Variants in ADAM32 observed in about 807,000 individuals in gnomAD.
The protein encoded by ADAM32 is disintegrin and metalloproteinase domain-containing protein 32.
ADAM32 carries 89 observed loss-of-function variants against 114.9 expected under a neutral mutation model. That is an observed-to-expected ratio of 0.77 (90% CI 0.65 to 0.92). ADAM32 has a LOEUF of 0.92. ADAM32 is among the 40% of genes least tolerant of loss of function. ADAM32 has a pLI of 0.00. For missense variants in ADAM32, 870 were observed against 932.8 expected (o/e 0.93, Z 0.88); for synonymous variants, 285 against 307.5 (o/e 0.93, Z 0.77).
chr8:39,115,459 T>C (rs1156804376), intron 1 of ADAM32, among the ~76,000 whole-genome samples: 1 of 152,210 alleles, frequency 6.6e-6, no homozygotes, highest in Non-Finnish European at 1.5e-5. Flanking sequence ...TCATTCTGAT[T>C]GGTGTGACAT....
At chr8:39,272,101 G>GAAAAAAAAAAAAAAAAAAAAAA (rs11366445) in intron 20 of ADAM32, among the ~76,000 whole-genome samples, 1 of 65,810 alleles carries the variant, frequency 1.5e-5, no homozygotes, top group Admixed American at 1.8e-4. Flanking sequence ...GTGAGCTCCA[G>GAAAAAAAAAAAAAAAAAAAAAA]AAAAAAAAAA....
At chr8:39,153,822 T>C (rs2129445671) in intron 6 of ADAM32, among the ~76,000 whole-genome samples, 1 of 152,292 alleles carries the variant, frequency 6.6e-6, no homozygotes, top group African/African-American at 2.4e-5. Flanking sequence ...TCAGGAAGTT[T>C]TCACATACTT....
At chr8:39,208,643 A>G (rs1439275402) in intron 11 of ADAM32, among the ~76,000 whole-genome samples, 3 of 152,114 alleles carry the variant, frequency 2.0e-5, no homozygotes, top group Admixed American at 6.5e-5. Flanking sequence ...CTTCATTTTT[A>G]AGGATAGTTT....
chr8:39,111,703 A>G (rs1170238607), intron 1 of ADAM32, among the ~76,000 whole-genome samples: 1 of 148,254 alleles, frequency 6.7e-6, no homozygotes, highest in Non-Finnish European at 1.5e-5. Context: ...CCTGGGCAAC[A>G]GAGCAAGACT....
intron 9 of ADAM32, chr8:39,167,130 G>A (rs184655208): frequency 6.6e-6 from 1 of 152,220 alleles, no homozygotes; most frequent in East Asian, 1.9e-4. Context: ...ATGTCTGGAA[G>A]GGGTTTTTCA....
chr8:39,233,696 T>C (rs748189915), intron 15 of ADAM32, among the ~76,000 whole-genome samples: 29 of 152,324 alleles, frequency 1.9e-4, no homozygotes, highest in Non-Finnish European at 2.9e-4. Flanking sequence ...ATGCCTCTGA[T>C]AGTACCTTTG....
intron 2 of ADAM32, among the ~76,000 whole-genome samples, chr8:39,124,450 C>A (rs1376077674): frequency 2.7e-5 from 4 of 148,122 alleles, no homozygotes; most frequent in Admixed American, 1.4e-4. Flanking sequence ...CGGAGTCTTG[C>A]TCTGTCGACC....
intron 11 of ADAM32, among the ~76,000 whole-genome samples, chr8:39,209,611 T>C (rs1403032545): frequency 6.6e-6 from 1 of 152,196 alleles, no homozygotes; most frequent in Middle Eastern, 3.2e-3. Flanking sequence ...TTGGTCCTTC[T>C]TCAGAGGACC....
chr8:39,235,439 A>T (rs1810061640), intron 16 of ADAM32, among the ~76,000 whole-genome samples: 1 of 152,202 alleles, frequency 6.6e-6, no homozygotes, highest in African/African-American at 2.4e-5. Flanking sequence ...CATTCGAGTC[A>T]TAAGTGCCAT....
At chr8:39,194,462 C>T (rs1245413764) in intron 11 of ADAM32, among the ~76,000 whole-genome samples, 5 of 152,150 alleles carry the variant, frequency 3.3e-5, no homozygotes, top group Non-Finnish European at 4.4e-5. Flanking sequence ...CACACAGACA[C>T]ACACACCAGC....
At chr8:39,135,992 C>A (rs1802778622) in intron 2 of ADAM32, among the ~76,000 whole-genome samples, 1 of 152,116 alleles carries the variant, frequency 6.6e-6, no homozygotes, top group Non-Finnish European at 1.5e-5. Flanking sequence ...GAATGCTTAT[C>A]CTTTTTCTGT....
At chr8:39,279,203 G>A (rs1200439233) in intron 22 of ADAM32, among the ~76,000 whole-genome samples, 1 of 152,074 alleles carries the variant, frequency 6.6e-6, no homozygotes. Context: ...TTCAATTATT[G>A]ACTCTTTCTC....
At chr8:39,264,850 G>T (rs768555379) in intron 19 of ADAM32, among the ~76,000 whole-genome samples, 1 of 152,126 alleles carries the variant, frequency 6.6e-6, no homozygotes, top group Non-Finnish European at 1.5e-5. Context: ...CTACGTGATT[G>T]TATGGTTTTG....
intron 12 of ADAM32, among the ~76,000 whole-genome samples, chr8:39,214,813 T>C (rs1808455426): frequency 6.6e-6 from 1 of 152,186 alleles, no homozygotes; most frequent in African/African-American, 2.4e-5. Flanking sequence ...AGTAGTTTCA[T>C]AGTTTGAGGT....
chr8:39,260,991 C>A (rs1323897051), intron 19 of ADAM32, among the ~76,000 whole-genome samples: 2 of 151,972 alleles, frequency 1.3e-5, no homozygotes, highest in Non-Finnish European at 2.9e-5. Flanking sequence ...AGGGATGTTT[C>A]AGTATATGTA....
intron 1 of ADAM32, among the ~76,000 whole-genome samples, chr8:39,115,519 A>T (rs1037860115): frequency 6.7e-6 from 1 of 150,330 alleles, no homozygotes; most frequent in Admixed American, 6.6e-5. Flanking sequence ...TAAGTTTTTC[A>T]TATGCTTCTT....
intron 20 of ADAM32, 82 bp downstream of exon 20, chr8:39,270,996 T>A: frequency 7.5e-7 from 1 of 1,325,254 alleles, no homozygotes; most frequent in Non-Finnish European, 1.1e-6. Flanking sequence ...TTCCAATTTT[T>A]TTTTGAACAT....
intron 14 of ADAM32, chr8:39,223,803 C>T (rs941468654): frequency 2.6e-5 from 4 of 151,996 alleles, no homozygotes; most frequent in African/African-American, 9.7e-5. Flanking sequence ...GCCATTTCTC[C>T]CCTTACCTCA....
At chr8:39,153,698 G>A (rs546747463) in intron 6 of ADAM32, among the ~76,000 whole-genome samples, 1 of 152,270 alleles carries the variant, frequency 6.6e-6, no homozygotes, top group Non-Finnish European at 1.5e-5. Flanking sequence ...GATTCCTCCT[G>A]ATCCTAATCC....
Sources: allele counts gnomAD v4.1 joint callset (sites outside exome capture counted in the v4.1 genomes callset), GRCh38; gene constraint gnomAD v4.1.1; transcripts MANE v1.5; gene names NCBI Gene and HGNC (gene_info 2026-07-23, HGNC 2026-07-21).